The following AUTS2 variants were observed in gnomAD, a reference collection of about 807,000 sequenced individuals.
AUTS2 encodes the protein activator of transcription and developmental regulator AUTS2, also known as autism susceptibility gene 2 protein.
Under a neutral mutation model 112.4 loss-of-function variants are expected in AUTS2, and 17 were observed. The observed-to-expected ratio is 0.15, with a 90% CI of 0.10 to 0.23. AUTS2 has a LOEUF of 0.23. Among genes scored for constraint, AUTS2 ranks in the 10% least tolerant of loss-of-function variants. The probability of loss-of-function intolerance (pLI) is 1.00; values close to 1 mark genes in which losing one functional copy is unlikely to be tolerated. For synonymous variants in AUTS2, 751 were observed against 702.7 expected (o/e 1.07, Z -1.09); for missense variants, 1,510 against 1,701.6 (o/e 0.89, Z 1.98).
intron 2 of AUTS2, among the ~76,000 whole-genome samples, chr7:69,948,598 G>A (rs1375125038): frequency 6.6e-6 from 1 of 151,968 alleles, no homozygotes; most frequent in East Asian, 1.9e-4. Context: ...TTTCCATCTT[G>A]TATGAATGGC....
intron 4 of AUTS2, among the ~76,000 whole-genome samples, chr7:70,147,993 A>G (rs1433326235): frequency 1.3e-5 from 2 of 152,062 alleles, no homozygotes; most frequent in Non-Finnish European, 2.9e-5. Flanking sequence ...ATGTGGCTGG[A>G]TTCTGTAAAC....
chr7:69,899,574 C>A, intron 2 of AUTS2, 76 bp downstream of exon 2: 1 of 1,388,830 alleles, frequency 7.2e-7, no homozygotes, highest in Non-Finnish European at 1.0e-6. Context: ...TGTGGTTTTT[C>A]GTAACAGGTG....
At position 69,803,114 on chromosome 7, in the gene AUTS2, G is replaced by T. The variant is rs532287558; in HGVS notation, c.310-96172G>T. Among the ~76,000 whole-genome samples the T allele has an allele frequency of 7.2e-5, 11 of 152,282 alleles. No individual in the cohort carries two copies. In the South Asian group the frequency reaches 2.1e-3, roughly 29 times the overall value. On this transcript the variant is annotated intron_variant, in intron 1 of 18. Coordinates refer to ENST00000342771, the MANE Select transcript of AUTS2 (RefSeq NM_015570.4). Reference sequence around the variant, plus strand: ...TTGTTACTGGACTGGGTGGTTTTTAGCTCCTCCCACAATGGGCAATAATCA... The same window carrying T: ...TTGTTACTGGACTGGGTGGTTTTTATCTCCTCCCACAATGGGCAATAATCA...
intron 4 of AUTS2, among the ~76,000 whole-genome samples, chr7:70,147,405 C>T (rs1180871784): frequency 6.6e-6 from 1 of 151,742 alleles, no homozygotes; most frequent in South Asian, 2.1e-4. Context: ...GAACTGGCTT[C>T]AAGGAAGTCA....
intron 4 of AUTS2, among the ~76,000 whole-genome samples, chr7:70,183,096 C>G (rs990616016): frequency 1.3e-5 from 2 of 152,092 alleles, no homozygotes; most frequent in Admixed American, 6.6e-5. Flanking sequence ...TAATGGAGTG[C>G]GAAGAAGCTG....
chr7:70,532,791 C>A (rs1239371342), intron 5 of AUTS2, among the ~76,000 whole-genome samples: 1 of 152,006 alleles, frequency 6.6e-6, no homozygotes, highest in Non-Finnish European at 1.5e-5. Flanking sequence ...TAAAGGCCTG[C>A]AGAACAAAAT....
chr7:70,643,667 G>C (rs1474911967), intron 5 of AUTS2, among the ~76,000 whole-genome samples: 1 of 152,170 alleles, frequency 6.6e-6, no homozygotes, highest in Non-Finnish European at 1.5e-5. Flanking sequence ...TGGATCCTAA[G>C]ACAGGTCTCT....
chr7:70,569,902 C>CT (rs77906636), intron 5 of AUTS2, among the ~76,000 whole-genome samples: 13 of 149,384 alleles, frequency 8.7e-5, no homozygotes, highest in South Asian at 2.1e-4. Flanking sequence ...CCGTTCCCCT[C>CT]TTTTTTTTTT....
At chr7:70,183,410 C>T (rs770930268) in intron 4 of AUTS2, among the ~76,000 whole-genome samples, 7 of 152,164 alleles carry the variant, frequency 4.6e-5, no homozygotes, top group Non-Finnish European at 8.8e-5. Flanking sequence ...GGCTCTACAC[C>T]GCCAGGTGAC....
Position 70,488,524 on chromosome 7 carries a change from G to C in AUTS2, c.690+52743G>C, listed in dbSNP as rs190641773. Among the ~76,000 whole-genome samples, 210 of 152,170 alleles carry C rather than the reference G, an allele frequency of 1.4e-3. 3 individuals carry two copies. Among genetic ancestry groups the C allele is most frequent in the Middle Eastern group, 0.014 (4 of 294 alleles). On this transcript the variant is annotated intron_variant, in intron 5 of 18. Coordinates refer to ENST00000342771, the MANE Select transcript of AUTS2 (RefSeq NM_015570.4). The stretch of plus-strand genomic sequence containing the variant: ...TTCTGTCCCCTAACCTCCAAGCCCT[G>C]GTGTTCTTTCTCCTCAGTCAGACCT...
chr7:70,520,987 T>C (rs1275511137), intron 5 of AUTS2, among the ~76,000 whole-genome samples: 1 of 152,210 alleles, frequency 6.6e-6, no homozygotes, highest in Non-Finnish European at 1.5e-5. Flanking sequence ...TTCATATTCT[T>C]TTCTTCCTTG....
chr7:70,578,456 CAG>C (rs1007523567), intron 5 of AUTS2, among the ~76,000 whole-genome samples: 2 of 152,244 alleles, frequency 1.3e-5, no homozygotes, highest in African/African-American at 4.8e-5. Context: ...TCACCTGAGA[CAG>C]AGGTGGCACT....
intron 1 of AUTS2, among the ~76,000 whole-genome samples, chr7:69,792,309 T>G (rs1020329059): frequency 6.6e-6 from 1 of 151,650 alleles, no homozygotes; most frequent in African/African-American, 2.4e-5. Context: ...GCGCAATCTC[T>G]GCTCACTGCA....
chr7:70,092,924 T>C (rs1005105519), intron 2 of AUTS2, among the ~76,000 whole-genome samples: 14 of 152,116 alleles, frequency 9.2e-5, no homozygotes, highest in African/African-American at 3.1e-4. Flanking sequence ...GGTGACTGCT[T>C]TGAAATGAAA....
chr7:70,268,782 G>GT (rs1230098989), intron 4 of AUTS2, among the ~76,000 whole-genome samples: 2 of 152,010 alleles, frequency 1.3e-5, no homozygotes, highest in African/African-American at 2.4e-5. Flanking sequence ...GGGACTAGTT[G>GT]TTTTTTTAAA....
At chr7:70,785,545 G>A (rs754805183) in intron 16 of AUTS2, 15 of 465,940 alleles carry the variant, frequency 3.2e-5, no homozygotes, top group East Asian at 6.7e-5. Context: ...GCATTGGCTT[G>A]CACAACATCA....
At chr7:70,517,370 C>T (rs1799457588) in intron 5 of AUTS2, among the ~76,000 whole-genome samples, 1 of 151,986 alleles carries the variant, frequency 6.6e-6, no homozygotes, top group South Asian at 2.1e-4. Flanking sequence ...AGTGAACTGA[C>T]ACCTGAATCT....
chr7:69,836,050 C>A (rs774495266), intron 1 of AUTS2, among the ~76,000 whole-genome samples: 5 of 152,118 alleles, frequency 3.3e-5, no homozygotes, highest in Non-Finnish European at 4.4e-5. Context: ...CTTCAGTTGA[C>A]CATTGGAAAG....
chr7:69,772,817 CTTAATGAT>C (rs1788724286), intron 1 of AUTS2, among the ~76,000 whole-genome samples: 1 of 152,206 alleles, frequency 6.6e-6, no homozygotes, highest in South Asian at 2.1e-4. Flanking sequence ...GAAGTTAAGA[CTTAATGAT>C]TTATACCTCT....
Sources: gnomAD v4.1 joint callset for allele counts (sites outside exome capture counted in the v4.1 genomes callset) on GRCh38, gnomAD v4.1.1 for gene constraint, MANE v1.5 for transcripts, NCBI Gene and HGNC (gene_info 2026-07-23, HGNC 2026-07-21) for gene names.